Variants in SYBU observed in about 807,000 individuals in gnomAD.
SYBU encodes the protein syntabulin.
Under a neutral mutation model 35.9 loss-of-function variants are expected in SYBU, and 21 were observed. The ratio of observed to expected loss-of-function variants is 0.58; its 90% CI spans 0.41 to 0.84. The LOEUF is 0.84. Among genes scored for constraint, SYBU ranks in the 40% least tolerant of loss-of-function variants. The probability of loss-of-function intolerance (pLI) is 0.00; values close to 1 mark genes in which losing one functional copy is unlikely to be tolerated. For missense variants in SYBU, 768 were observed against 848.2 expected (o/e 0.91, Z 1.17); for synonymous variants, 319 against 324.3 (o/e 0.98, Z 0.18).
At chr8:109,664,886 T>C (rs981107020) in intron 1 of SYBU, among the ~76,000 whole-genome samples, 1 of 152,184 alleles carries the variant, frequency 6.6e-6, no homozygotes, top group South Asian at 2.1e-4. Context: ...AAGTTTCCTA[T>C]AGGGCATAAA....
At chr8:109,680,716 G>C (rs1000707549) in exon 1 of SYBU, 2 of 152,134 alleles carry the variant, frequency 1.3e-5, no homozygotes, top group Non-Finnish European at 2.9e-5. Flanking sequence ...CTTACCTCTT[G>C]GGAAGAAGAA....
rs1013936759 is a variant in SYBU at position 109,575,068 on chromosome 8, A to G, written c.1830T>C (p.Asp610=). ...CCACGGGGGCAGCCACAGCCAGGAG[A>G]TCCACCAGGAAGCTGCTGCTCCAGT... ...RQYWSSSFLV[D]LLAVAAPVVP... The change falls in exon 7 of 7, where the codon GAT becomes GAC. Residue 610 remains aspartate, a synonymous_variant. Transcript: ENST00000276646. The G allele has an allele frequency of 6.2e-7, 1 of 1,608,758 alleles. No homozygotes were observed. Among genetic ancestry groups the G allele is most frequent in the Non-Finnish European group, 8.5e-7 (1 of 1,176,766 alleles).
rs148284150 is a variant in SYBU at position 109,591,892 on chromosome 8, T to C, written c.428-5730A>G. On this transcript the variant is annotated intron_variant, in intron 3 of 6. Transcript: ENST00000276646. ...ATGTAGTATTAAAAGAGTTCTGGAGTTAAGACACCTGGGTTTGAATCTTGG... is the reference window on the plus strand; with the variant it reads ...ATGTAGTATTAAAAGAGTTCTGGAGCTAAGACACCTGGGTTTGAATCTTGG... 3.3e-5 allele frequency among the ~76,000 whole-genome samples: 5 copies of C among 152,004 alleles called. No homozygotes were observed. The East Asian group carries it at 9.7e-4, about 29-fold the overall frequency.
At chr8:109,597,278 G>C (rs894777565) in intron 3 of SYBU, among the ~76,000 whole-genome samples, 1 of 152,196 alleles carries the variant, frequency 6.6e-6, no homozygotes, top group Non-Finnish European at 1.5e-5. Flanking sequence ...ATGGGGGAAA[G>C]CTTCCCTGAC....
chr8:109,598,445 C>T (rs1825138637), intron 3 of SYBU, among the ~76,000 whole-genome samples: 1 of 152,140 alleles, frequency 6.6e-6, no homozygotes, highest in Non-Finnish European at 1.5e-5. Flanking sequence ...ACAGTGTGAC[C>T]TCAGGCAATC....
chr8:109,667,508 C>CA (rs34197112), intron 1 of SYBU, among the ~76,000 whole-genome samples: 29,045 of 143,924 alleles, frequency 0.2, 3,159 homozygotes, highest in East Asian at 0.52. Flanking sequence ...AGTAGTGCCA[C>CA]AAAAAAAAAA....
chr8:109,638,022 C>T (rs760795927), intron 2 of SYBU, among the ~76,000 whole-genome samples: 5 of 152,184 alleles, frequency 3.3e-5, no homozygotes, highest in Non-Finnish European at 5.9e-5. Context: ...TGCGTTAAGT[C>T]GCACACTTGC....
At chr8:109,583,674 G>A (rs1039290525) in intron 4 of SYBU, among the ~76,000 whole-genome samples, 4 of 152,152 alleles carry the variant, frequency 2.6e-5, no homozygotes, top group African/African-American at 9.7e-5. Flanking sequence ...GAGTTTGGCA[G>A]AGATACCCAG....
At chr8:109,603,116 C>T (rs949387688) in intron 3 of SYBU, among the ~76,000 whole-genome samples, 1 of 152,226 alleles carries the variant, frequency 6.6e-6, no homozygotes, top group African/African-American at 2.4e-5. Context: ...CACTGGGATG[C>T]CTCGCTCCTA....
At chr8:109,669,797 C>G (rs1816909757) in intron 1 of SYBU, among the ~76,000 whole-genome samples, 1 of 152,096 alleles carries the variant, frequency 6.6e-6, no homozygotes, top group South Asian at 2.1e-4. Context: ...TTACAATTGT[C>G]TTTGTTCAAG....
chr8:109,683,148 T>G (rs1221148874), upstream of SYBU, among the ~76,000 whole-genome samples: 1 of 152,212 alleles, frequency 6.6e-6, no homozygotes, highest in Non-Finnish European at 1.5e-5. Flanking sequence ...CTAGTAGAGC[T>G]GTGAGAAGAG....
chr8:109,575,889 G>T lies in SYBU; in HGVS notation c.1009C>A (p.Leu337Ile), dbSNP rs1359261056. Residue 337 changes from leucine to isoleucine, a missense_variant, in exon 7 of 7, where the codon CTC becomes ATC. Leu to Ile is a conservative substitution (Grantham distance 5, BLOSUM62 2). Transcript: ENST00000276646. ...LKEARKEIKQ[L>I]KQVIETMRSS... The stretch of plus-strand genomic sequence containing the variant: ...CGCATGGTTTCGATGACCTGTTTGA[G>T]CTGTTTAATCTCTTTCCTGGCTTCT... The T allele has an allele frequency of 6.2e-7, 1 of 1,613,926 alleles. No homozygotes were observed. The highest frequency in any genetic ancestry group is 8.5e-7 in the Non-Finnish European group (1 of 1,179,986).
Position 109,618,917 on chromosome 8 carries a change from T to G in SYBU, c.352A>C (p.Ile118Leu), listed in dbSNP as rs745567598. The change falls in exon 3 of 7, where the codon ATT becomes CTT. Residue 118 changes from isoleucine to leucine, a missense_variant. Coordinates refer to ENST00000276646, the MANE Select transcript of SYBU (RefSeq NM_001099754.2). ...ATGCTTCCTTCACCAACCATTCCAA[T>G]CGTGCATTTCTTTCTGGTGAAGCCT... Reference protein sequence around the residue: ...DEGFTRKKCTIGMVGEGSIQS... With the variant: ...DEGFTRKKCTLGMVGEGSIQS... 6.2e-7 allele frequency: 1 copy of G among 1,614,100 alleles called. No individual in the cohort carries two copies. Among genetic ancestry groups the G allele is most frequent in the African/African-American group, 1.3e-5 (1 of 74,932 alleles).
chr8:109,667,926 G>A (rs1212131525), intron 1 of SYBU, among the ~76,000 whole-genome samples: 1 of 152,090 alleles, frequency 6.6e-6, no homozygotes, highest in Admixed American at 6.6e-5. Context: ...ATTTTAAAAT[G>A]ACAGAAGTCA....
At chr8:109,625,310 A>G (rs542061017) in intron 2 of SYBU, among the ~76,000 whole-genome samples, 1 of 152,334 alleles carries the variant, frequency 6.6e-6, no homozygotes, top group Non-Finnish European at 1.5e-5. Flanking sequence ...TCACTGCACT[A>G]TTCTCTGTTT....
rs570719198 is a variant in SYBU, at chr8:109,667,237, C to T, written c.-129+13474G>A. Among the ~76,000 whole-genome samples, 7 of 152,160 alleles carry T rather than the reference C, an allele frequency of 4.6e-5. No homozygotes were observed. In the East Asian group the frequency reaches 1.4e-3, roughly 30 times the overall value. ...GTTCAGGCCATTCTCCTGCCTCAGC[C>T]TCCCGAGTAGCTGGGACTACAGGTG... On this transcript the variant is annotated intron_variant, in intron 1 of 5. Coordinates refer to the SYBU transcript ENST00000408889.
chr8:109,638,734 G>C (rs1255766660), intron 2 of SYBU, among the ~76,000 whole-genome samples: 15 of 152,132 alleles, frequency 9.9e-5, no homozygotes, highest in Admixed American at 9.8e-4. Context: ...CTCCAACTAA[G>C]GTCATAGCGA....
chr8:109,646,952 A>G (rs1289800697), upstream of SYBU: 2 of 152,202 alleles, frequency 1.3e-5, no homozygotes, highest in East Asian at 1.9e-4. Flanking sequence ...GATTATTGCA[A>G]TAGTGGTCTA....
At chr8:109,614,497 C>T (rs889602477) in intron 3 of SYBU, among the ~76,000 whole-genome samples, 6 of 152,244 alleles carry the variant, frequency 3.9e-5, no homozygotes, top group Admixed American at 1.3e-4. Context: ...ACAGTCCAAA[C>T]TTATCATACA....
Sources: gnomAD v4.1 joint callset for allele counts (sites outside exome capture counted in the v4.1 genomes callset) on GRCh38, gnomAD v4.1.1 for gene constraint, MANE v1.5 for transcripts, NCBI Gene and HGNC (gene_info 2026-07-23, HGNC 2026-07-21) for gene names.